The following ATRN variants were observed in gnomAD, a reference collection of about 807,000 sequenced individuals.
ATRN encodes the protein attractin.
In ATRN, 54 loss-of-function variants were observed where a neutral mutation model predicts 178.7. That is an observed-to-expected ratio of 0.30 (90% CI 0.24 to 0.38). The LOEUF (loss-of-function observed/expected upper bound fraction) is 0.38. Ranked by LOEUF, ATRN falls within the 10% of genes least tolerant of loss-of-function variation. ATRN has a pLI of 1.00. For missense variants in ATRN, 1,443 were observed against 1,815.1 expected (o/e 0.79, Z 3.73); for synonymous variants, 636 against 663.0 (o/e 0.96, Z 0.63).
chr20:3,572,784 T>C lies in ATRN; in HGVS notation c.1925T>C (p.Val642Ala), dbSNP rs761168848. The C allele has an allele frequency of 6.2e-7, 1 of 1,614,122 alleles. No homozygotes were observed. Among genetic ancestry groups the C allele is most frequent in the Non-Finnish European group, 8.5e-7 (1 of 1,180,034 alleles). ...FNSLLLSDIL[V>A]FTSEQCDAHR... Reference sequence around the variant, plus strand: ...AGTCTCCTCCTCAGCGACATCCTGGTATTCACCTCGGAACAGTGTGATGCG... The same window carrying C: ...AGTCTCCTCCTCAGCGACATCCTGGCATTCACCTCGGAACAGTGTGATGCG... The change falls in exon 12 of 29, where the codon GTA (valine) becomes GCA (alanine). Residue 642 changes from valine to alanine, a missense_variant. Transcript: ENST00000262919.
chr20:3,538,742 C>A (rs905073123), intron 2 of ATRN, among the ~76,000 whole-genome samples: 7 of 152,178 alleles, frequency 4.6e-5, no homozygotes, highest in Non-Finnish European at 8.8e-5. Flanking sequence ...CTGGGAGACC[C>A]ACCATCGTCT....
intron 1 of ATRN, among the ~76,000 whole-genome samples, chr20:3,474,434 C>T (rs557910375): frequency 2.6e-5 from 4 of 152,212 alleles, no homozygotes; most frequent in Admixed American, 6.5e-5. Context: ...GTAGGCCAGG[C>T]GTGGTGGCTA....
At position 3,483,953 on chromosome 20, in the gene ATRN, T is replaced by A. The variant is rs238737; in HGVS notation, c.410+12436T>A. ...AGCAGTTTAATAACCTTTCTCATTT[T>A]AAAAAATACATGAGGCCGGGCATGA... is the stretch of plus-strand genomic sequence containing the variant. On this transcript the variant is annotated intron_variant, in intron 1 of 28. Coordinates refer to ENST00000262919, the MANE Select transcript of ATRN (RefSeq NM_139321.3). 3.6e-3 allele frequency among the ~76,000 whole-genome samples: 555 copies of A among 152,172 alleles called. 2 individuals are homozygous for A. The highest frequency in any genetic ancestry group is 0.01 in the Middle Eastern group (3 of 294).
intron 18 of ATRN, among the ~76,000 whole-genome samples, chr20:3,586,545 A>G (rs1294338814): frequency 1.3e-5 from 2 of 152,100 alleles, no homozygotes; most frequent in Non-Finnish European, 2.9e-5. Flanking sequence ...GCATGATGCC[A>G]TTTATATGAA....
intron 16 of ATRN, among the ~76,000 whole-genome samples, chr20:3,583,013 G>T (rs1463527622): frequency 6.6e-6 from 1 of 152,184 alleles, no homozygotes; most frequent in African/African-American, 2.4e-5. Flanking sequence ...CTCACAAGCA[G>T]TCGGTGGAAT....
At chr20:3,594,059 G>T (rs1034848905) in intron 19 of ATRN, among the ~76,000 whole-genome samples, 2 of 152,164 alleles carry the variant, frequency 1.3e-5, no homozygotes, top group Non-Finnish European at 2.9e-5. Flanking sequence ...GCCAAGACCA[G>T]CCCTCCTTCA....
chr20:3,512,103 A>ATTT (rs1234363088), intron 1 of ATRN, among the ~76,000 whole-genome samples: 5 of 117,290 alleles, frequency 4.3e-5, no homozygotes, highest in African/African-American at 8.2e-5. Context: ...ATATATATAT[A>ATTT]TATATTTTTT....
chr20:3,547,827 C>G (rs1445618853), intron 5 of ATRN, among the ~76,000 whole-genome samples: 4 of 152,040 alleles, frequency 2.6e-5, no homozygotes, highest in Admixed American at 6.5e-5. Context: ...GAAACACACT[C>G]TAAGTTCAGA....
chr20:3,620,697 GC>G (rs2086890533), intron 24 of ATRN, among the ~76,000 whole-genome samples: 1 of 152,222 alleles, frequency 6.6e-6, no homozygotes, highest in Non-Finnish European at 1.5e-5. Context: ...GAGAGCCATG[GC>G]CTAGTTCTTG....
Position 3,570,654 on chromosome 20 carries a change from T to C in ATRN, c.1872-2077T>C, listed in dbSNP as rs1337278049. On this transcript the variant is annotated intron_variant, in intron 11 of 28. Coordinates refer to ENST00000262919, the MANE Select transcript of ATRN (RefSeq NM_139321.3). ...CATCTTTAGCCAGTGAGGGCATCTT[T>C]ACATTAGCTTTTGAGTTTATCTGAT... Among the ~76,000 whole-genome samples the C allele has an allele frequency of 1.3e-5, 2 of 152,218 alleles. 1 individual carries two copies. The highest frequency in any genetic ancestry group is 4.8e-5 in the African/African-American group (2 of 41,476).
intron 1 of ATRN, among the ~76,000 whole-genome samples, chr20:3,509,300 A>G (rs2085090839): frequency 1.3e-5 from 2 of 152,146 alleles, no homozygotes; most frequent in Admixed American, 1.3e-4. Flanking sequence ...GGTATATCAC[A>G]CTCTTAACCC....
At chr20:3,617,842 T>C (rs931704018) in intron 24 of ATRN, among the ~76,000 whole-genome samples, 1 of 152,122 alleles carries the variant, frequency 6.6e-6, no homozygotes, top group Non-Finnish European at 1.5e-5. Context: ...TACACAGCAT[T>C]GTACGGGGGT....
At chr20:3,504,361 G>T (rs1172598493) in intron 1 of ATRN, among the ~76,000 whole-genome samples, 2 of 151,838 alleles carry the variant, frequency 1.3e-5, no homozygotes, top group Admixed American at 1.3e-4. Flanking sequence ...TGGAAAAATA[G>T]AAATATGGGT....
At chr20:3,619,488 A>C (rs2086880103) in intron 24 of ATRN, among the ~76,000 whole-genome samples, 1 of 152,244 alleles carries the variant, frequency 6.6e-6, no homozygotes, top group South Asian at 2.1e-4. Flanking sequence ...TGTATTAAAC[A>C]GTGACTTTTC....
At chr20:3,544,281 A>T (rs918759805) in intron 3 of ATRN, among the ~76,000 whole-genome samples, 1 of 152,276 alleles carries the variant, frequency 6.6e-6, no homozygotes, top group East Asian at 1.9e-4. Context: ...TGACTCATGC[A>T]GTCAGATTTC....
intron 27 of ATRN, 57 bp from the exon 28 acceptor site, chr20:3,644,097 G>A (rs2087089478): frequency 1.5e-6 from 2 of 1,296,110 alleles, no homozygotes; most frequent in African/African-American, 2.9e-5. Context: ...CCGTTAAGTT[G>A]TCCGTATACA....
intron 1 of ATRN, among the ~76,000 whole-genome samples, chr20:3,472,174 A>G (rs1231082488): frequency 6.6e-6 from 1 of 152,220 alleles, no homozygotes; most frequent in Non-Finnish European, 1.5e-5. Flanking sequence ...GTTTCTGGAC[A>G]ATATGAAGTT....
intron 26 of ATRN, among the ~76,000 whole-genome samples, chr20:3,636,345 A>C (rs1406271199): frequency 6.6e-6 from 1 of 152,234 alleles, no homozygotes; most frequent in Non-Finnish European, 1.5e-5. Flanking sequence ...TATCATGTCA[A>C]AAAAAGAATA....
At chr20:3,562,728 A>G (rs948175532) in intron 9 of ATRN, among the ~76,000 whole-genome samples, 3 of 152,236 alleles carry the variant, frequency 2.0e-5, no homozygotes, top group African/African-American at 7.2e-5. Flanking sequence ...AAATAATGTA[A>G]TTATAAAGCG....
Sources: allele counts gnomAD v4.1 joint callset (sites outside exome capture counted in the v4.1 genomes callset), GRCh38; gene constraint gnomAD v4.1.1; transcripts MANE v1.5; gene names NCBI Gene and HGNC (gene_info 2026-07-23, HGNC 2026-07-21).